The following DPP10 variants were observed in gnomAD, a reference collection of about 807,000 sequenced individuals.
DPP10 encodes the protein dipeptidyl peptidase like 10.
Under a neutral mutation model 120.9 loss-of-function variants are expected in DPP10, and 33 were observed. That is an observed-to-expected ratio of 0.27 (90% confidence interval 0.21 to 0.37). DPP10 has a LOEUF of 0.37. DPP10 is among the 10% of genes least tolerant of loss of function. The pLI is 1.00. For missense variants in DPP10, 816 were observed against 942.8 expected (o/e 0.87, Z 1.76); for synonymous variants, 337 against 326.1 (o/e 1.03, Z -0.36).
intron 3 of DPP10, among the ~76,000 whole-genome samples, chr2:115,457,063 A>G (rs981476619): frequency 6.6e-6 from 1 of 152,146 alleles, no homozygotes; most frequent in African/African-American, 2.4e-5. Context: ...TACTATCATA[A>G]TGACAAAAAT....
At chr2:115,452,828 A>G (rs1025021827) in intron 3 of DPP10, among the ~76,000 whole-genome samples, 1 of 151,942 alleles carries the variant, frequency 6.6e-6, no homozygotes, top group Admixed American at 6.6e-5. Flanking sequence ...GTTTCAGATG[A>G]ATCAGACATA....
chr2:114,745,484 G>A (rs1331681120), intron 1 of DPP10, among the ~76,000 whole-genome samples: 4 of 152,036 alleles, frequency 2.6e-5, no homozygotes, highest in Non-Finnish European at 2.9e-5. Context: ...AATTAAAATT[G>A]GATTCTAGTC....
At chr2:114,535,753 T>G (rs1338832765) in intron 1 of DPP10, among the ~76,000 whole-genome samples, 1 of 152,192 alleles carries the variant, frequency 6.6e-6, no homozygotes, top group Non-Finnish European at 1.5e-5. Context: ...CCATGTCACT[T>G]TCTTTTTTAA....
chr2:115,443,345 G>A (rs2072254830), intron 3 of DPP10, among the ~76,000 whole-genome samples: 1 of 152,142 alleles, frequency 6.6e-6, no homozygotes, highest in South Asian at 2.1e-4. Flanking sequence ...TTGTCACTTG[G>A]TAAGGGAAAT....
chr2:115,133,704 CG>C (rs2050503064), intron 1 of DPP10, among the ~76,000 whole-genome samples: 2 of 152,220 alleles, frequency 1.3e-5, no homozygotes, highest in Admixed American at 6.5e-5. Context: ...CTTCAAGGCC[CG>C]AGCTGTTTTC....
intron 1 of DPP10, among the ~76,000 whole-genome samples, chr2:114,895,226 G>C (rs867578485): frequency 6.6e-6 from 1 of 152,102 alleles, no homozygotes; most frequent in African/African-American, 2.4e-5. Context: ...ATAAAACGAC[G>C]TGTGGATACA....
At chr2:115,323,935 G>GAGGATAGTAAATGAGCCTTGGCTTCCA (rs1286488795) in intron 2 of DPP10, among the ~76,000 whole-genome samples, 3 of 152,152 alleles carry the variant, frequency 2.0e-5, no homozygotes, top group Non-Finnish European at 4.4e-5. Context: ...CTAGGGTTCT[G>GAGGATAGTAAATGAGCCTTGGCTTCCA]AGGATAGTAA....
chr2:115,826,336 G>C (rs539705622), intron 21 of DPP10, among the ~76,000 whole-genome samples: 165 of 152,194 alleles, frequency 1.1e-3, no homozygotes, highest in African/African-American at 3.9e-3. Flanking sequence ...TATCAGTTTT[G>C]GCTTCATTTA....
chr2:115,423,430 C>A (rs1029125375), intron 3 of DPP10, among the ~76,000 whole-genome samples: 1 of 152,048 alleles, frequency 6.6e-6, no homozygotes, highest in Non-Finnish European at 1.5e-5. Flanking sequence ...ATTCTAATGA[C>A]AAAGCCATGT....
At chr2:114,803,998 G>A (rs1684496413) in intron 1 of DPP10, among the ~76,000 whole-genome samples, 1 of 152,172 alleles carries the variant, frequency 6.6e-6, no homozygotes, top group Non-Finnish European at 1.5e-5. Flanking sequence ...GGAAAAAGTG[G>A]TCTTATGGGC....
At chr2:114,666,211 G>A (rs984743965) in intron 1 of DPP10, among the ~76,000 whole-genome samples, 1 of 152,126 alleles carries the variant, frequency 6.6e-6, no homozygotes, top group Non-Finnish European at 1.5e-5. Flanking sequence ...ATTTAACACT[G>A]TTTTAATGAG....
intron 1 of DPP10, among the ~76,000 whole-genome samples, chr2:114,590,399 C>A (rs1469951471): frequency 1.3e-5 from 2 of 152,118 alleles, no homozygotes. Context: ...ATGACATGAG[C>A]AATTGCTTTT....
intron 5 of DPP10, among the ~76,000 whole-genome samples, chr2:115,529,161 AAT>A (rs1491286467): frequency 1.3e-5 from 2 of 150,772 alleles, no homozygotes; most frequent in African/African-American, 5.0e-5. Flanking sequence ...AAATAAGGCA[AAT>A]TTTTTTTTTT....
chr2:115,717,020 T>TA (rs2092517728), intron 7 of DPP10, among the ~76,000 whole-genome samples: 1 of 152,208 alleles, frequency 6.6e-6, no homozygotes, highest in Admixed American at 6.5e-5. Flanking sequence ...AATACAAATG[T>TA]AAAAACAAAT....
chr2:114,917,719 T>C (rs1694909062), intron 1 of DPP10, among the ~76,000 whole-genome samples: 1 of 152,086 alleles, frequency 6.6e-6, no homozygotes. Context: ...GGACTCCCTA[T>C]TAAATAAACG....
At chr2:115,539,872 T>C (rs2079078027) in intron 5 of DPP10, among the ~76,000 whole-genome samples, 1 of 151,714 alleles carries the variant, frequency 6.6e-6, no homozygotes, top group Non-Finnish European at 1.5e-5. Flanking sequence ...AGAAGTAATA[T>C]TTGCTAATAT....
At position 115,540,287 on chromosome 2, in the gene DPP10, TTTAA is replaced by T. The variant is rs543654216; in HGVS notation, c.441+14320_441+14323del. The stretch of plus-strand genomic sequence containing the variant: ...TTCTACTTACTTAAACTTCATGATG[TTTAA>T]TTAAAATTCACACACATTTTTCTTC... On this transcript the variant is annotated intron_variant, in intron 5 of 25. Coordinates refer to ENST00000410059, the MANE Select transcript of DPP10 (RefSeq NM_020868.6). 1.3e-3 allele frequency among the ~76,000 whole-genome samples: 203 copies of T among 152,060 alleles called. 3 individuals carry two copies. Among genetic ancestry groups the T allele is most frequent in the Admixed American group, 0.013 (202 of 15,216 alleles).
chr2:114,569,472 T>A (rs749197131), intron 1 of DPP10, among the ~76,000 whole-genome samples: 1 of 152,186 alleles, frequency 6.6e-6, no homozygotes, highest in Non-Finnish European at 1.5e-5. Context: ...CTCTAAAATA[T>A]GTCCTGATAG....
chr2:114,529,082 T>A (rs554636950), intron 1 of DPP10, among the ~76,000 whole-genome samples: 34 of 152,196 alleles, frequency 2.2e-4, no homozygotes, highest in Middle Eastern at 6.8e-3. Context: ...TTTATCTCCA[T>A]CTCTTGCTTT....
Sources: gnomAD v4.1 joint callset for allele counts (sites outside exome capture counted in the v4.1 genomes callset) on GRCh38, gnomAD v4.1.1 for gene constraint, MANE v1.5 for transcripts, NCBI Gene and HGNC (gene_info 2026-07-23, HGNC 2026-07-21) for gene names.